ARHGAP31: variants seen among roughly 807,000 people sequenced by gnomAD.
The protein encoded by ARHGAP31 is rho GTPase-activating protein 31.
ARHGAP31 carries 34 observed loss-of-function variants against 113.9 expected under a neutral mutation model. That is an observed-to-expected ratio of 0.30 (90% CI 0.23 to 0.40). The LOEUF (loss-of-function observed/expected upper bound fraction) is 0.40, where lower values mean the gene tolerates loss of function less well. Ranked by LOEUF, ARHGAP31 falls within the 10% of genes least tolerant of loss-of-function variation. The pLI, the probability that ARHGAP31 is intolerant of heterozygous loss-of-function variation, is 1.00. For synonymous variants in ARHGAP31, 650 were observed against 684.8 expected (o/e 0.95, Z 0.79); for missense variants, 1,548 against 1,767.1 (o/e 0.88, Z 2.22).
Position 119,339,005 on chromosome 3 carries a change from T to C in ARHGAP31, c.101-26311T>C, listed in dbSNP as rs185940712. On this transcript the variant is annotated intron_variant, in intron 1 of 11. Transcript: ENST00000264245. ...ACATGTTTAGGTTAGCAGTTCAGAG[T>C]CATGAATTACTTGGGTATATCAAGA... Among the ~76,000 whole-genome samples, 406 of 152,106 alleles carry C rather than the reference T, an allele frequency of 2.7e-3. 2 individuals are homozygous for C. Among genetic ancestry groups the C allele is most frequent in the Non-Finnish European group, 3.9e-3 (262 of 68,000 alleles).
At chr3:119,413,178 G>A (rs1483396639) in intron 11 of ARHGAP31, among the ~76,000 whole-genome samples, 2 of 151,428 alleles carry the variant, frequency 1.3e-5, no homozygotes, top group Non-Finnish European at 2.9e-5. Context: ...TTAGCCAGGT[G>A]TGGTGGTGTG....
Position 119,382,431 on chromosome 3 carries a change from C to T in ARHGAP31, c.539+32C>T, listed in dbSNP as rs754804198. 5 of 1,590,182 alleles carry T rather than the reference C, an allele frequency of 3.1e-6. No individual in the cohort carries two copies. In the Admixed American group the frequency reaches 8.4e-5, roughly 27 times the overall value. ...ACTCTACCCTCCCCTTGTCACCAGC[C>T]CAGGGGGCTCAGAGCAGCCCCCGAT... On this transcript the variant is annotated intron_variant, in intron 5 of 11. Transcript: ENST00000264245.
chr3:119,316,041 C>A (rs567000322), intron 1 of ARHGAP31, among the ~76,000 whole-genome samples: 2 of 152,300 alleles, frequency 1.3e-5, no homozygotes, highest in South Asian at 2.1e-4. Flanking sequence ...AACACCAAAT[C>A]TGTGGCCTTT....
At chr3:119,307,580 G>A (rs1384217324) in intron 1 of ARHGAP31, among the ~76,000 whole-genome samples, 2 of 152,126 alleles carry the variant, frequency 1.3e-5, no homozygotes, top group Admixed American at 6.5e-5. Flanking sequence ...ATTCTAATCT[G>A]TTGATAAATA....
chr3:119,300,172 T>A (rs2079568181), intron 1 of ARHGAP31, among the ~76,000 whole-genome samples: 1 of 152,238 alleles, frequency 6.6e-6, no homozygotes, highest in South Asian at 2.1e-4. Flanking sequence ...CTCAGTGTCC[T>A]CACTCATGAA....
intron 1 of ARHGAP31, among the ~76,000 whole-genome samples, chr3:119,359,834 CCCATTCACAGCACAGCAAA>C (rs2080190437): frequency 6.6e-6 from 1 of 151,962 alleles, no homozygotes; most frequent in Non-Finnish European, 1.5e-5. Context: ...GAAGAGGGGG[CCCATTCACAGCACAGCAAA>C]ATTGTTTAAA....
intron 7 of ARHGAP31, 64 bp from the exon 8 acceptor site, chr3:119,393,400 CTCA>C: frequency 6.3e-7 from 1 of 1,591,484 alleles, no homozygotes; most frequent in South Asian, 1.1e-5. Flanking sequence ...AATATTTGGT[CTCA>C]ATTTAAAAGT....
chr3:119,304,944 C>T (rs2107594661), intron 1 of ARHGAP31, among the ~76,000 whole-genome samples: 1 of 148,098 alleles, frequency 6.8e-6, no homozygotes, highest in South Asian at 2.2e-4. Flanking sequence ...TAAAATAAAA[C>T]TTTTAAAAAA....
chr3:119,392,992 C>A (rs573273201), intron 7 of ARHGAP31, among the ~76,000 whole-genome samples: 2 of 152,216 alleles, frequency 1.3e-5, no homozygotes, highest in South Asian at 4.2e-4. Context: ...ACTGTCATCC[C>A]AGCACTTGGG....
At chr3:119,405,296 C>T (rs1265905798) in intron 10 of ARHGAP31, among the ~76,000 whole-genome samples, 3 of 152,094 alleles carry the variant, frequency 2.0e-5, no homozygotes, top group Admixed American at 2.0e-4. Context: ...TACAGCGGCT[C>T]AAACAAGATA....
Position 119,414,035 on chromosome 3 carries a change from G to A in ARHGAP31, c.2106G>A (p.Leu702=), listed in dbSNP as rs571768390. The change falls in exon 12 of 12, where the codon TTG becomes TTA. Residue 702 remains leucine, a synonymous_variant. Coordinates refer to ENST00000264245, the MANE Select transcript of ARHGAP31 (RefSeq NM_020754.4). ...TTCCCTCAGAGCCTCCTGGGAGCTT[G>A]CCTTGTGGCTCCTTCCCTGCTCCAG... ...PFIPSEPPGS[L]PCGSFPAPVS... 5 of 1,614,168 alleles carry A rather than the reference G, an allele frequency of 3.1e-6. No homozygotes were observed. The highest frequency in any genetic ancestry group is 2.7e-5 in the African/African-American group (2 of 75,046).
At position 119,401,832 on chromosome 3, in the gene ARHGAP31, C is replaced by A; in HGVS notation, c.1080C>A (p.Thr360=). ...LCSVPVEGKE[T]KGNFNRTVTT... ...GTTCCTTTTTACTAGGAAAAGAAAC[C>A]AAGGGAAATTTCAATCGAACAGTTA... The change falls in exon 10 of 12, where the codon ACC becomes ACA. Residue 360 remains threonine (T), a synonymous_variant. Coordinates refer to ENST00000264245, the MANE Select transcript of ARHGAP31 (RefSeq NM_020754.4). 6.2e-7 allele frequency: 1 copy of A among 1,613,910 alleles called. No individual in the cohort carries two copies. The highest frequency in any genetic ancestry group is 1.1e-5 in the South Asian group (1 of 91,018).
chr3:119,306,361 C>T (rs1168836228), intron 1 of ARHGAP31, among the ~76,000 whole-genome samples: 1 of 151,942 alleles, frequency 6.6e-6, no homozygotes, highest in Non-Finnish European at 1.5e-5. Flanking sequence ...CAAGACCAGC[C>T]TGGCCAACAT....
chr3:119,368,541 G>A, intron 3 of ARHGAP31, 25 bp downstream of exon 3: 1 of 1,613,896 alleles, frequency 6.2e-7, no homozygotes, highest in Non-Finnish European at 8.5e-7. Flanking sequence ...TTCCATTATG[G>A]TTACTGGGTG....
At chr3:119,410,475 C>T (rs755810173) in intron 11 of ARHGAP31, among the ~76,000 whole-genome samples, 10 of 152,146 alleles carry the variant, frequency 6.6e-5, no homozygotes, top group Non-Finnish European at 1.5e-4. Context: ...ATTTTCAGGA[C>T]GTGCACAAAA....
intron 1 of ARHGAP31, among the ~76,000 whole-genome samples, chr3:119,323,123 C>T (rs1480180226): frequency 6.6e-6 from 1 of 152,250 alleles, no homozygotes; most frequent in East Asian, 1.9e-4. Context: ...CTCCGCCCAG[C>T]GGTTTCTGAT....
intron 6 of ARHGAP31, among the ~76,000 whole-genome samples, chr3:119,384,594 T>C (rs767999352): frequency 3.3e-5 from 5 of 152,190 alleles, no homozygotes; most frequent in Non-Finnish European, 7.3e-5. Context: ...GAATGAGGGC[T>C]GAACTTGGTT....
At chr3:119,376,775 C>A (rs568137705) in intron 3 of ARHGAP31, among the ~76,000 whole-genome samples, 2 of 148,604 alleles carry the variant, frequency 1.3e-5, no homozygotes, top group African/African-American at 4.9e-5. Context: ...AAAAAAAAGG[C>A]AGTGTCACTT....
intron 1 of ARHGAP31, among the ~76,000 whole-genome samples, chr3:119,311,400 T>C (rs2079682525): frequency 2.0e-5 from 3 of 152,226 alleles, no homozygotes; most frequent in Admixed American, 1.3e-4. Flanking sequence ...CTCTGTCTGA[T>C]CTGCGTCTCT....
Sources: allele counts gnomAD v4.1 joint callset (sites outside exome capture counted in the v4.1 genomes callset), GRCh38; gene constraint gnomAD v4.1.1; transcripts MANE v1.5; gene names NCBI Gene and HGNC (gene_info 2026-07-23, HGNC 2026-07-21).